Variants in ZFHX3 observed in about 807,000 individuals in gnomAD.
ZFHX3 encodes zinc finger homeobox 3.
A neutral mutation model predicts 279.1 loss-of-function variants in ZFHX3; 42 were observed. The observed-to-expected ratio is 0.15, with a 90% confidence interval of 0.12 to 0.19. The LOEUF is 0.19. Among genes scored for constraint, ZFHX3 ranks in the 10% least tolerant of loss-of-function variants. The pLI, the probability that ZFHX3 is intolerant of heterozygous loss-of-function variation, is 1.00. For missense variants in ZFHX3, 4,981 were observed against 4,754.0 expected (o/e 1.05, Z -1.40); for synonymous variants, 2,293 against 1,957.8 (o/e 1.17, Z -4.52).
At chr16:73,802,815 A>T (rs955144418) in intron 1 of ZFHX3, among the ~76,000 whole-genome samples, 4 of 152,092 alleles carry the variant, frequency 2.6e-5, no homozygotes, top group African/African-American at 9.7e-5. Flanking sequence ...AAGCATTATG[A>T]TTTCTTTTTG....
intron 1 of ZFHX3, among the ~76,000 whole-genome samples, chr16:73,682,709 C>G (rs757864654): frequency 6.6e-6 from 1 of 151,390 alleles, no homozygotes; most frequent in Admixed American, 6.6e-5. Context: ...ATCACCTGAA[C>G]CCAGGAGGTG....
chr16:73,706,836 G>T (rs1194231186), intron 1 of ZFHX3, among the ~76,000 whole-genome samples: 3 of 152,066 alleles, frequency 2.0e-5, no homozygotes. Flanking sequence ...TGAGCAAACT[G>T]CTTTGTCACA....
chr16:73,885,912 C>A (rs1021469163), intron 1 of ZFHX3, among the ~76,000 whole-genome samples: 1 of 152,152 alleles, frequency 6.6e-6, no homozygotes, highest in African/African-American at 2.4e-5. Flanking sequence ...GGGAAATTTG[C>A]CCTCCAAATG....
chr16:73,055,681 CGCGCG>C (rs1567652946), intron 1 of ZFHX3, among the ~76,000 whole-genome samples: 12 of 98,996 alleles, frequency 1.2e-4, no homozygotes, highest in Admixed American at 3.1e-4. Context: ...CAGACGTACG[CGCGCG>C]CGCGCGCGCG....
rs183979842 is a variant in ZFHX3, at chr16:73,106,514, T to C, written c.-896-12916A>G. Reference sequence around the variant, plus strand: ...CAGTCAGATGGCTTCATGTTCTATCTGATATCATCCCTTTATTGTGCCCTT... The same window carrying C: ...CAGTCAGATGGCTTCATGTTCTATCCGATATCATCCCTTTATTGTGCCCTT... On this transcript the variant is annotated intron_variant, in intron 7 of 17. Coordinates refer to the ZFHX3 transcript ENST00000641206. Among the ~76,000 whole-genome samples, 33 of 152,284 alleles carry C rather than the reference T, an allele frequency of 2.2e-4. 1 individual carries two copies. The East Asian group carries it at 6.0e-3, about 28-fold the overall frequency.
intron 1 of ZFHX3, among the ~76,000 whole-genome samples, chr16:73,823,674 G>C (rs568282290): frequency 2.6e-5 from 4 of 152,200 alleles, no homozygotes; most frequent in African/African-American, 7.2e-5. Context: ...AGAATGGAGA[G>C]TTGCTACGGA....
At chr16:73,193,686 T>C (rs972251769) in intron 5 of ZFHX3, among the ~76,000 whole-genome samples, 11 of 152,128 alleles carry the variant, frequency 7.2e-5, no homozygotes, top group African/African-American at 1.9e-4. Context: ...TACTGCATAG[T>C]GGTGAAGCAG....
At chr16:72,813,279 C>G (rs2036515458) in intron 5 of ZFHX3, among the ~76,000 whole-genome samples, 1 of 152,112 alleles carries the variant, frequency 6.6e-6, no homozygotes, top group South Asian at 2.1e-4. Flanking sequence ...AATTAGAAAG[C>G]CCAATTTTTA....
At chr16:73,822,424 A>C (rs1193128148) in intron 1 of ZFHX3, among the ~76,000 whole-genome samples, 1 of 152,224 alleles carries the variant, frequency 6.6e-6, no homozygotes, top group Non-Finnish European at 1.5e-5. Flanking sequence ...TAAAGGTCCT[A>C]AAATACAATT....
At chr16:73,158,748 A>C (rs1370014737) in intron 5 of ZFHX3, among the ~76,000 whole-genome samples, 1 of 152,212 alleles carries the variant, frequency 6.6e-6, no homozygotes, top group Non-Finnish European at 1.5e-5. Flanking sequence ...CGAATGGAAC[A>C]GAATAGAGAG....
In ZFHX3 at chr16:73,003,519, C is replaced by CCT. The variant is rs1555539739; in HGVS notation, c.-49-43327_-49-43326dup. ...CCTGGCCAACATGGTGAGACCCCCC[C>CCT]CTCCCCACCCCGCCCCATCTCTTAA... On this transcript the variant is annotated intron_variant, in intron 1 of 9. Coordinates refer to ENST00000268489, the MANE Select transcript of ZFHX3 (RefSeq NM_006885.4). Among the ~76,000 whole-genome samples, 67 of 144,350 alleles carry CCT rather than the reference C, an allele frequency of 4.6e-4. No individual in the cohort carries two copies. The South Asian group carries it at 5.8e-3, about 13-fold the overall frequency. 94.7% of individuals were successfully genotyped at this position (144,350 alleles called of 152,430 possible). A position where few individuals can be genotyped will look rare whatever the true frequency, so the allele number is the denominator to read the frequency against.
chr16:73,755,562 T>A (rs931170126), intron 1 of ZFHX3, among the ~76,000 whole-genome samples: 3 of 152,208 alleles, frequency 2.0e-5, no homozygotes, highest in Admixed American at 6.5e-5. Context: ...CAATTTTTTT[T>A]AAAATGCAGT....
chr16:73,222,689 A>T (rs2012461733), intron 5 of ZFHX3, among the ~76,000 whole-genome samples: 1 of 152,076 alleles, frequency 6.6e-6, no homozygotes, highest in African/African-American at 2.4e-5. Context: ...AAAGCCTAGC[A>T]GGTCATTTTG....
intron 5 of ZFHX3, among the ~76,000 whole-genome samples, chr16:73,195,951 C>T (rs1220619819): frequency 6.6e-6 from 1 of 152,112 alleles, no homozygotes; most frequent in South Asian, 2.1e-4. Context: ...CATCTTTATA[C>T]GTGTATATCT....
chr16:73,188,946 C>T (rs1046353424), intron 5 of ZFHX3, among the ~76,000 whole-genome samples: 13 of 151,546 alleles, frequency 8.6e-5, no homozygotes, highest in African/African-American at 2.9e-4. Flanking sequence ...TCACTACAAC[C>T]TCCGCCTCCT....
chr16:72,900,321 T>C (rs2039003115), intron 3 of ZFHX3, among the ~76,000 whole-genome samples: 2 of 152,108 alleles, frequency 1.3e-5, no homozygotes, highest in Non-Finnish European at 2.9e-5. Flanking sequence ...CCAAATCCAC[T>C]CAAGAATTTG....
intron 7 of ZFHX3, among the ~76,000 whole-genome samples, chr16:73,111,916 C>G (rs1966379540): frequency 6.6e-6 from 1 of 152,122 alleles, no homozygotes; most frequent in Admixed American, 6.6e-5. Flanking sequence ...TGTAAGTTCT[C>G]AAGGAACCTG....
intron 4 of ZFHX3, among the ~76,000 whole-genome samples, chr16:73,263,907 C>T (rs914883238): frequency 1.3e-5 from 2 of 152,222 alleles, no homozygotes; most frequent in African/African-American, 4.8e-5. Flanking sequence ...TGGCTCACGC[C>T]TGTAATCCCA....
chr16:73,038,580 G>A (rs1020955225), intron 1 of ZFHX3, among the ~76,000 whole-genome samples: 1 of 152,120 alleles, frequency 6.6e-6, no homozygotes, highest in Non-Finnish European at 1.5e-5. Context: ...GAAATCGTGG[G>A]TTGCTGAAAA....
Sources: gnomAD v4.1 joint callset for allele counts (sites outside exome capture counted in the v4.1 genomes callset) on GRCh38, gnomAD v4.1.1 for gene constraint, MANE v1.5 for transcripts, NCBI Gene and HGNC (gene_info 2026-07-23, HGNC 2026-07-21) for gene names.